The following RANBP2 variants were observed in gnomAD, a reference collection of about 807,000 sequenced individuals.
The protein encoded by RANBP2 is RAN binding protein 2.
RANBP2 carries 57 observed loss-of-function variants against 303.6 expected under a neutral mutation model. That is an observed-to-expected ratio of 0.19 (90% CI 0.15 to 0.23). The LOEUF is 0.23. Ranked by LOEUF, RANBP2 falls within the 10% of genes least tolerant of loss-of-function variation. RANBP2 has a pLI of 1.00. For missense variants in RANBP2, 3,138 were observed against 3,780.8 expected, an observed-to-expected ratio of 0.83 and a Z score of 4.46; for synonymous variants, 1,167 against 1,301.5, an observed-to-expected ratio of 0.90 and a Z score of 2.23.
the RANBP2 span, among the ~76,000 whole-genome samples, chr2:109,099,211 A>G: frequency 6.6e-6 from 1 of 152,240 alleles, no homozygotes; most frequent in African/African-American, 2.4e-5. Context: ...TGCGTGTTAC[A>G]TACATCCCAT....
chr2:109,556,437 A>C, the RANBP2 span, among the ~76,000 whole-genome samples: 1 of 152,226 alleles, frequency 6.6e-6, no homozygotes, highest in Admixed American at 6.5e-5. Flanking sequence ...AGTTCAAAGA[A>C]ACGCAGAGTA....
At chr2:109,168,874 G>A in the RANBP2 span, among the ~76,000 whole-genome samples, 2 of 152,308 alleles carry the variant, frequency 1.3e-5, no homozygotes, top group African/African-American at 2.4e-5. Flanking sequence ...TGAATGGAAC[G>A]CTGCATGCTG....
the RANBP2 span, among the ~76,000 whole-genome samples, chr2:109,388,898 A>G: frequency 6.6e-6 from 1 of 152,146 alleles, no homozygotes; most frequent in Non-Finnish European, 1.5e-5. Context: ...GAGGCTTTCT[A>G]GGTAATAGAG....
the RANBP2 span, among the ~76,000 whole-genome samples, chr2:109,362,393 A>T: frequency 6.6e-5 from 10 of 152,112 alleles, no homozygotes; most frequent in Non-Finnish European, 1.5e-4. Context: ...TCTATTATGG[A>T]TGTCTAATTT....
chr2:109,158,047 A>G, the RANBP2 span, among the ~76,000 whole-genome samples: 2 of 152,312 alleles, frequency 1.3e-5, no homozygotes, highest in Middle Eastern at 3.4e-3. Context: ...GCACTGTGTC[A>G]TCTGGCTCCT....
the RANBP2 span, among the ~76,000 whole-genome samples, chr2:108,991,550 A>G: frequency 6.6e-6 from 1 of 152,206 alleles, no homozygotes; most frequent in Non-Finnish European, 1.5e-5. Context: ...TACACATAAC[A>G]GCCCGGCCAG....
the RANBP2 span, among the ~76,000 whole-genome samples, chr2:109,652,358 G>A: frequency 6.6e-6 from 1 of 151,948 alleles, no homozygotes; most frequent in Admixed American, 6.6e-5. Context: ...GAGAAGCTGG[G>A]ACTACAGGCA....
At chr2:108,932,528 CA>C in the RANBP2 span, among the ~76,000 whole-genome samples, 777 of 39,150 alleles carry the variant, frequency 0.02, 1 homozygote, top group African/African-American at 0.059. Context: ...GACTCTGTCT[CA>C]AAAAAAAAAA....
the RANBP2 span, among the ~76,000 whole-genome samples, chr2:109,699,423 G>T: frequency 2.0e-5 from 3 of 152,316 alleles, no homozygotes; most frequent in South Asian, 4.1e-4. Context: ...AACTTAACTA[G>T]TGTAGCCTGT....
chr2:109,716,202 G>A, the RANBP2 span, among the ~76,000 whole-genome samples: 3 of 151,880 alleles, frequency 2.0e-5, no homozygotes, highest in African/African-American at 7.2e-5. Context: ...CAGTAAATTA[G>A]CACTTTATTT....
At chr2:108,857,985 T>G in the RANBP2 span, among the ~76,000 whole-genome samples, 1 of 152,208 alleles carries the variant, frequency 6.6e-6, no homozygotes, top group Non-Finnish European at 1.5e-5. Context: ...AAATGCAAAT[T>G]TGAATAAAGT....
the RANBP2 span, among the ~76,000 whole-genome samples, chr2:109,098,588 C>A: frequency 6.6e-6 from 1 of 152,138 alleles, no homozygotes; most frequent in African/African-American, 2.4e-5. Flanking sequence ...TTTCTTCAAC[C>A]CTTTGTCTGT....
At chr2:109,211,641 T>C in the RANBP2 span, among the ~76,000 whole-genome samples, 20 of 126,758 alleles carry the variant, frequency 1.6e-4, no homozygotes, top group Non-Finnish European at 3.0e-4. Flanking sequence ...CCTTCCTGCA[T>C]TTCTTTCTTT....
chr2:108,907,986 C>T, the RANBP2 span: 7 of 1,611,294 alleles, frequency 4.3e-6, no homozygotes, highest in East Asian at 4.5e-5. Context: ...TCCGGCTCAG[C>T]AGCTGCTCAT....
chr2:108,773,721 G>A (rs961345266), intron 23 of RANBP2, among the ~76,000 whole-genome samples: 4 of 150,870 alleles, frequency 2.7e-5, no homozygotes, highest in Admixed American at 6.6e-5. Flanking sequence ...ATCTCTGCTC[G>A]CTGCAACCTC....
At chr2:109,137,183 A>G in the RANBP2 span, among the ~76,000 whole-genome samples, 6 of 152,208 alleles carry the variant, frequency 3.9e-5, no homozygotes, top group African/African-American at 1.4e-4. Context: ...TAATGAGGAA[A>G]GTGGTATTGG....
chr2:108,777,440 C>A (rs1677972101), intron 25 of RANBP2, among the ~76,000 whole-genome samples: 2 of 152,024 alleles, frequency 1.3e-5, no homozygotes, highest in African/African-American at 4.8e-5. Context: ...TTATATAAGC[C>A]ATGCTGATAG....
At chr2:109,487,868 C>T in the RANBP2 span, among the ~76,000 whole-genome samples, 14 of 152,206 alleles carry the variant, frequency 9.2e-5, no homozygotes, top group African/African-American at 2.9e-4. Context: ...TTCTCAGCAC[C>T]GTGCTAGGCG....
At chr2:109,069,313 A>G in the RANBP2 span, among the ~76,000 whole-genome samples, 1 of 152,250 alleles carries the variant, frequency 6.6e-6, no homozygotes, top group Non-Finnish European at 1.5e-5. Flanking sequence ...ATTTGGACAC[A>G]TGGAATTTTG....
Sources: gnomAD v4.1 joint callset for allele counts (sites outside exome capture counted in the v4.1 genomes callset) on GRCh38, gnomAD v4.1.1 for gene constraint, MANE v1.5 for transcripts, NCBI Gene and HGNC (gene_info 2026-07-23, HGNC 2026-07-21) for gene names.